The following CCT4 variants were observed in gnomAD, a reference collection of about 807,000 sequenced individuals.
CCT4 encodes T-complex protein 1 subunit delta.
Under a neutral mutation model 62.5 loss-of-function variants are expected in CCT4, and 17 were observed. The ratio of observed to expected loss-of-function variants is 0.27; its 90% confidence interval spans 0.19 to 0.41. CCT4 has a LOEUF of 0.41. Ranked by LOEUF, CCT4 falls within the 10% of genes least tolerant of loss-of-function variation. The pLI is 1.00. For missense variants in CCT4, 592 were observed against 659.2 expected, an observed-to-expected ratio of 0.90 and a Z score of 1.12; for synonymous variants, 250 against 229.9, an observed-to-expected ratio of 1.09 and a Z score of -0.79.
chr2:61,883,413 T>C (rs756345764), intron 3 of CCT4, 46 bp downstream of exon 3: 8 of 898,816 alleles, frequency 8.9e-6, no homozygotes, highest in South Asian at 4.5e-5. Context: ...CAAGACTCTG[T>C]CTCAAAAAAA....
Position 61,876,251 on chromosome 2 carries a change from C to A in CCT4, c.778-17G>T. 1.9e-6 allele frequency: 3 copies of A among 1,556,082 alleles called. No individual in the cohort carries two copies. Among genetic ancestry groups the A allele is most frequent in the Non-Finnish European group, 1.7e-6 (2 of 1,149,860 alleles). ...ATTATCCATCTGTTCAGAAAAAGAA[C>A]ATCATAATTTGCATTGTAAGATATT... On this transcript the variant is annotated splice_polypyrimidine_tract_variant and intron_variant, in intron 7 of 13. Transcript: ENST00000394440.
Position 61,888,575 on chromosome 2 carries a change from T to A in CCT4, c.-68A>T, listed in dbSNP as rs946589642. The A allele has an allele frequency of 5.1e-6, 8 of 1,563,554 alleles. No homozygotes were observed. The Admixed American group carries it at 1.1e-4, about 21-fold the overall frequency. Reference sequence around the variant, plus strand: ...GGACCCGGATTCTGGCCGGCCGCAGTGTAATAACGGTAAGCCCTCACTGCC... The same window carrying A: ...GGACCCGGATTCTGGCCGGCCGCAGAGTAATAACGGTAAGCCCTCACTGCC... On this transcript the variant is annotated 5_prime_UTR_variant, in exon 1 of 14. Coordinates refer to ENST00000394440, the MANE Select transcript of CCT4 (RefSeq NM_006430.4).
In CCT4 at chr2:61,872,575, G is replaced by C. The variant is rs1029762137; in HGVS notation, c.1139C>G (p.Ala380Gly). 1.9e-6 allele frequency: 3 copies of C among 1,613,566 alleles called. No individual in the cohort carries two copies. The highest frequency in any genetic ancestry group is 1.3e-5 in the African/African-American group (1 of 74,902). The change falls in exon 11 of 14, where the codon GCC becomes GGC. Residue 380 changes from alanine (A) to glycine (G), a missense_variant. Ala to Gly is a moderately conservative substitution (Grantham distance 60). Transcript: ENST00000394440. ...AATTGTAACTGTTTTTCCAGGGCTG[G>C]CACAGCCTGTAATCTTCAGTAAACA... is the stretch of plus-strand genomic sequence containing the variant. ...SGKLLKITGC[A>G]SPGKTVTIVV...
intron 8 of CCT4, among the ~76,000 whole-genome samples, chr2:61,875,141 C>CAA (rs56942624): frequency 0.023 from 3,454 of 148,274 alleles, 117 homozygotes; most frequent in African/African-American, 0.08. Context: ...AACTCCATTT[C>CAA]AAAAAAAAAA....
chr2:61,879,263 T>TG (rs1348269627), intron 4 of CCT4, among the ~76,000 whole-genome samples: 1 of 139,620 alleles, frequency 7.2e-6, no homozygotes, highest in African/African-American at 2.7e-5. Flanking sequence ...ATACTTTTTT[T>TG]TTTTTTTTTT....
chr2:61,883,570 T>C lies in CCT4; in HGVS notation c.181-22A>G, dbSNP rs1669164178. ...GAATCTAGAAAAAAAATTTTAAAGTTATATTTCAATGTCACACCTTAATAG... is the reference window on the plus strand; with the variant it reads ...GAATCTAGAAAAAAAATTTTAAAGTCATATTTCAATGTCACACCTTAATAG... On this transcript the variant is annotated intron_variant, in intron 2 of 13. Transcript: ENST00000394440. 3 of 1,154,790 alleles carry C rather than the reference T, an allele frequency of 2.6e-6. No homozygotes were observed. The African/African-American group carries it at 4.6e-5, about 18-fold the overall frequency. The allele number at this position is 1,154,790 out of a possible 1,614,324, so 71.5% of individuals were successfully genotyped here.
In CCT4 at chr2:61,875,145, A is replaced by AC. The variant is rs577630002; in HGVS notation, c.917+949_917+950insG. On this transcript the variant is annotated intron_variant, in intron 8 of 13. Transcript: ENST00000394440. ...AACAAGAGCGAAACTCCATTTCAAAAAAAAAAGGAAGATTACGCACTTTTT... is the reference window on the plus strand; with the variant it reads ...AACAAGAGCGAAACTCCATTTCAAAACAAAAAAGGAAGATTACGCACTTTTT... Among the ~76,000 whole-genome samples the AC allele has an allele frequency of 2.6e-5, 4 of 151,660 alleles. No homozygotes were observed. The East Asian group carries it at 7.8e-4, about 30-fold the overall frequency.
intron 1 of CCT4, among the ~76,000 whole-genome samples, chr2:61,886,635 C>T (rs1669257148): frequency 6.6e-6 from 1 of 152,182 alleles, no homozygotes; most frequent in African/African-American, 2.4e-5. Context: ...GCCTTTCCTT[C>T]CCACATGCAC....
chr2:61,888,508 G>A lies in CCT4; in HGVS notation c.-1C>T, dbSNP rs895410205. 7 of 1,611,234 alleles carry A rather than the reference G, an allele frequency of 4.3e-6. No individual in the cohort carries two copies. The highest frequency in any genetic ancestry group is 5.9e-6 in the Non-Finnish European group (7 of 1,179,094). ...TCCGGGGTGCCACATTCTCGGGCAT[G>A]GCAAACTCCGCTGTGTCTGGGTTGG... On this transcript the variant is annotated 5_prime_UTR_variant, in exon 1 of 14. Transcript: ENST00000394440.
chr2:61,880,056 T>G (rs562319425), intron 4 of CCT4, among the ~76,000 whole-genome samples: 99 of 152,250 alleles, frequency 6.5e-4, no homozygotes, highest in Middle Eastern at 3.4e-3. Flanking sequence ...ACAGCAAAAT[T>G]CAATTGAGTT....
chr2:61,883,492 T>C lies in CCT4; in HGVS notation c.237A>G (p.Lys79=), dbSNP rs201649076. The part of the protein sequence containing the change: ...TITNDGATIL[K]QMQVLHPAAR... ...CTGCTGGATGTAATACTTGCATTTG[T>C]TTCAGAATGGTAGCACCATCATTTG... The change falls in exon 3 of 14, where the codon AAA becomes AAG. Residue 79 remains lysine, a synonymous_variant. Transcript: ENST00000394440. The C allele has an allele frequency of 5.0e-6, 8 of 1,598,676 alleles. No individual in the cohort carries two copies. In the East Asian group the frequency reaches 1.8e-4, roughly 36 times the overall value.
In CCT4 at chr2:61,868,710, A is replaced by G. The variant is rs757774567; in HGVS notation, c.1606-4T>C. ...ATCCAGATTATCGAGTGTTTACCTG[A>G]TAAGAGAAAAACTTAGATTTCAAAA... On this transcript the variant is annotated splice_polypyrimidine_tract_variant and splice_region_variant and intron_variant, in intron 13 of 13. Transcript: ENST00000394440. The G allele has an allele frequency of 6.9e-6, 11 of 1,585,300 alleles. No individual in the cohort carries two copies. The highest frequency in any genetic ancestry group is 2.2e-5 in the South Asian group (2 of 90,434).
At chr2:61,888,202 G>T in intron 1 of CCT4, 179 bp downstream of exon 1, 1 of 716,270 alleles carries the variant, frequency 1.4e-6, no homozygotes, top group Admixed American at 3.2e-5. Flanking sequence ...TCCATACTCC[G>T]GGTTGGCGAT....
intron 8 of CCT4, among the ~76,000 whole-genome samples, chr2:61,874,220 T>C (rs1213765052): frequency 6.6e-6 from 1 of 152,192 alleles, no homozygotes; most frequent in African/African-American, 2.4e-5. Context: ...AGCTATTATA[T>C]GATTGGGATT....
At chr2:61,881,684 A>T (rs1450034957) in intron 3 of CCT4, among the ~76,000 whole-genome samples, 2 of 152,090 alleles carry the variant, frequency 1.3e-5, no homozygotes, top group African/African-American at 4.8e-5. Context: ...CACAGTATAT[A>T]CGTAATTTTA....
chr2:61,880,636 G>C (rs1398775787), intron 3 of CCT4, among the ~76,000 whole-genome samples: 1 of 152,114 alleles, frequency 6.6e-6, no homozygotes, highest in Non-Finnish European at 1.5e-5. Flanking sequence ...TAATTAGAAA[G>C]CAAAAATATA....
chr2:61,875,148 A>AC (rs1055336246), intron 8 of CCT4, among the ~76,000 whole-genome samples: 2 of 151,818 alleles, frequency 1.3e-5, no homozygotes, highest in African/African-American at 4.8e-5. Context: ...TTTCAAAAAA[A>AC]AAAGGAAGAT....
intron 1 of CCT4, 54 bp downstream of exon 1, chr2:61,888,327 G>C: frequency 3.2e-6 from 5 of 1,575,416 alleles, no homozygotes; most frequent in Non-Finnish European, 4.3e-6. Context: ...AGCCCACGAT[G>C]AGAGCGCAGA....
At chr2:61,870,630 A>G (rs987604491) in intron 12 of CCT4, among the ~76,000 whole-genome samples, 1 of 152,160 alleles carries the variant, frequency 6.6e-6, no homozygotes, top group Non-Finnish European at 1.5e-5. Flanking sequence ...GCTTAAAAAA[A>G]TCTTTAGGCC....
Sources: gnomAD v4.1 joint callset for allele counts (sites outside exome capture counted in the v4.1 genomes callset) on GRCh38, gnomAD v4.1.1 for gene constraint, MANE v1.5 for transcripts, NCBI Gene and HGNC (gene_info 2026-07-23, HGNC 2026-07-21) for gene names.